CCDC12: variants seen among roughly 807,000 people sequenced by gnomAD.
CCDC12 encodes the protein coiled-coil domain-containing protein 12.
In CCDC12, 28 loss-of-function variants were observed where a neutral mutation model predicts 25.7. That is an observed-to-expected ratio of 1.09 (90% CI 0.81 to 1.50). The LOEUF is 1.50. CCDC12 is among the 40% of genes most tolerant of loss of function. The pLI is 0.00. For synonymous variants in CCDC12, 75 were observed against 87.7 expected (o/e 0.86, Z 0.81); for missense variants, 198 against 210.0 (o/e 0.94, Z 0.35).
chr3:46,925,610 G>C (rs2032919970), intron 2 of CCDC12, 75 bp from the exon 3 acceptor site: 3 of 1,230,462 alleles, frequency 2.4e-6, no homozygotes, highest in Non-Finnish European at 3.4e-6. Context: ...CATACAATTT[G>C]CATAGCCCGT....
intron 1 of CCDC12, among the ~76,000 whole-genome samples, chr3:46,963,051 AT>A (rs1275208553): frequency 6.6e-6 from 1 of 152,258 alleles, no homozygotes; most frequent in Non-Finnish European, 1.5e-5. Context: ...CAAACATATG[AT>A]GAATGAAAGA....
intron 1 of CCDC12, among the ~76,000 whole-genome samples, chr3:46,948,796 T>C (rs2034003958): frequency 6.6e-6 from 1 of 152,176 alleles, no homozygotes; most frequent in Admixed American, 6.5e-5. Flanking sequence ...ATATCCTCCA[T>C]GTGTCTGTCA....
chr3:46,926,788 C>T (rs1015033266), intron 2 of CCDC12, among the ~76,000 whole-genome samples: 6 of 152,262 alleles, frequency 3.9e-5, no homozygotes, highest in South Asian at 2.1e-4. Context: ...GTACCTCTTT[C>T]GGTTCTTGAC....
chr3:46,927,195 C>T (rs1200543038), intron 2 of CCDC12, among the ~76,000 whole-genome samples: 4 of 152,162 alleles, frequency 2.6e-5, no homozygotes, highest in African/African-American at 7.2e-5. Context: ...TCCCAGAAGG[C>T]CCAGAGATAC....
chr3:46,951,798 A>AAAAAAAAAAATATCCCATATATATATAT, intron 1 of CCDC12, among the ~76,000 whole-genome samples: 1 of 8,476 alleles, frequency 1.2e-4, no homozygotes, highest in African/African-American at 2.5e-4. Context: ...AAAAAAAAAA[A>AAAAAAAAAAATATCCCATATATATATAT]ATATATATAT....
chr3:46,935,613 G>A (rs1196928602), intron 2 of CCDC12, among the ~76,000 whole-genome samples: 2 of 152,198 alleles, frequency 1.3e-5, no homozygotes, highest in Non-Finnish European at 2.9e-5. Flanking sequence ...CAGTACACAG[G>A]GGGCTGGGGG....
At chr3:46,960,235 G>C (rs2034422571) in intron 1 of CCDC12, among the ~76,000 whole-genome samples, 1 of 152,124 alleles carries the variant, frequency 6.6e-6, no homozygotes, top group Non-Finnish European at 1.5e-5. Context: ...TCTGTGCACA[G>C]AGAGGCCTCA....
intron 1 of CCDC12, among the ~76,000 whole-genome samples, chr3:46,947,425 G>A (rs918891423): frequency 6.6e-6 from 1 of 152,188 alleles, no homozygotes; most frequent in African/African-American, 2.4e-5. Context: ...TGTGTTCCAA[G>A]GGCACTTAGC....
At chr3:46,946,777 A>C (rs2033923856) in intron 1 of CCDC12, among the ~76,000 whole-genome samples, 1 of 152,194 alleles carries the variant, frequency 6.6e-6, no homozygotes, top group Admixed American at 6.5e-5. Flanking sequence ...GAGGGGGGTT[A>C]AAGTTAAAAT....
intron 5 of CCDC12, 40 bp from the exon 6 acceptor site, chr3:46,922,352 T>C: frequency 1.2e-6 from 2 of 1,608,570 alleles, no homozygotes; most frequent in Non-Finnish European, 1.7e-6. Context: ...AGGTGAAGGC[T>C]GGCCTGATGT....
chr3:46,931,547 T>C (rs1197432360), intron 2 of CCDC12, among the ~76,000 whole-genome samples: 4 of 152,234 alleles, frequency 2.6e-5, no homozygotes, highest in African/African-American at 9.6e-5. Context: ...TTTGGGGCGC[T>C]AGCCTCCCTT....
At chr3:46,969,103 A>ATGAT (rs1217922625) in intron 1 of CCDC12, among the ~76,000 whole-genome samples, 5 of 152,106 alleles carry the variant, frequency 3.3e-5, no homozygotes, top group African/African-American at 1.2e-4. Context: ...TGATCAGGAC[A>ATGAT]CGGACAAGTC....
intron 1 of CCDC12, among the ~76,000 whole-genome samples, chr3:46,941,865 GATTCGCTTTAGAAGTAAC>G (rs1258266210): frequency 6.6e-6 from 1 of 152,216 alleles, no homozygotes; most frequent in African/African-American, 2.4e-5. Context: ...ATACCTATTT[GATTCGCTTTAGAAGTAAC>G]ATGAACTAGG....
rs986229397 is a variant in CCDC12 at position 46,941,142 on chromosome 3, A to T, written c.97-77T>A. On this transcript the variant is annotated intron_variant, in intron 1 of 6. Coordinates refer to ENST00000683445, the MANE Select transcript of CCDC12 (RefSeq NM_001277074.2). The stretch of plus-strand genomic sequence containing the variant: ...GTCCACGTGGCCCAGGGAGCTAAAG[A>T]ACAGGACATCTCAGAAGGGGGGCAC... The T allele has an allele frequency of 4.0e-5, 57 of 1,415,660 alleles. No homozygotes were observed. The African/African-American group carries it at 6.8e-4, about 17-fold the overall frequency. 87.7% of individuals were successfully genotyped at this position (1,415,660 alleles called of 1,614,324 possible).
chr3:46,923,649 C>A lies in CCDC12; in HGVS notation c.264G>T (p.Glu88Asp), dbSNP rs1266959710. 1.9e-6 allele frequency: 3 copies of A among 1,571,040 alleles called. No individual in the cohort carries two copies. Among genetic ancestry groups the A allele is most frequent in the Admixed American group, 1.8e-5 (1 of 55,430 alleles). Reference protein sequence around the residue: ...KPVAVEEKVKEQLEAAKPEPV... With the variant: ...KPVAVEEKVKDQLEAAKPEPV... Reference sequence around the variant, plus strand: ...GCTCGGGCTTGGCGGCCTCCAGCTGCTCCTTCACCTTCTCCTCCACTAGAG... The same window carrying A: ...GCTCGGGCTTGGCGGCCTCCAGCTGATCCTTCACCTTCTCCTCCACTAGAG... The change falls in exon 4 of 7, where the codon GAG becomes GAT. Residue 88 changes from glutamate to aspartate, a missense_variant. By Grantham distance (45) the Glu-to-Asp change is conservative. Transcript: ENST00000683445.
rs770430475 is a variant in CCDC12, at chr3:46,923,604, C to G, written c.306+3G>C. 6.2e-7 allele frequency: 1 copy of G among 1,603,718 alleles called. No individual in the cohort carries two copies. Among genetic ancestry groups the G allele is most frequent in the Admixed American group, 1.7e-5 (1 of 58,794 alleles). ...AGGATGCCAGGGTGGTCCAGGCACT[C>G]ACCACCTCCTCGATGACGGGCTCGG... On this transcript the variant is annotated splice_donor_region_variant and intron_variant, in intron 4 of 6. Coordinates refer to ENST00000683445, the MANE Select transcript of CCDC12 (RefSeq NM_001277074.2).
intron 2 of CCDC12, among the ~76,000 whole-genome samples, chr3:46,936,496 T>C (rs2033447797): frequency 6.6e-6 from 1 of 152,182 alleles, no homozygotes; most frequent in South Asian, 2.1e-4. Flanking sequence ...GTGAAGCAAG[T>C]TTTATTTCAT....
intron 2 of CCDC12, among the ~76,000 whole-genome samples, chr3:46,929,721 T>G (rs1431105154): frequency 6.6e-6 from 1 of 152,048 alleles, no homozygotes; most frequent in African/African-American, 2.4e-5. Flanking sequence ...TAGGACTGAC[T>G]TTTTTTCAAG....
chr3:46,970,160 C>G (rs942740164), intron 1 of CCDC12, among the ~76,000 whole-genome samples: 1 of 152,108 alleles, frequency 6.6e-6, no homozygotes, highest in Non-Finnish European at 1.5e-5. Context: ...CCTGCCTCCA[C>G]CTCCCAAAAT....
Sources: allele counts gnomAD v4.1 joint callset (sites outside exome capture counted in the v4.1 genomes callset), GRCh38; gene constraint gnomAD v4.1.1; transcripts MANE v1.5; gene names NCBI Gene and HGNC (gene_info 2026-07-23, HGNC 2026-07-21).